Variants in CELF2 observed in about 807,000 individuals in gnomAD.
CELF2 encodes the protein CUG triplet repeat RNA-binding protein 2.
CELF2 carries 8 observed loss-of-function variants against 62.6 expected under a neutral mutation model. The observed-to-expected ratio is 0.13, with a 90% CI of 0.07 to 0.23. The LOEUF is 0.23. CELF2 is among the 10% of genes least tolerant of loss of function. The probability of loss-of-function intolerance (pLI) is 1.00; values close to 1 mark genes in which losing one functional copy is unlikely to be tolerated. For synonymous variants in CELF2, 258 were observed against 250.0 expected (o/e 1.03, Z -0.30); for missense variants, 333 against 671.0 (o/e 0.50, Z 5.56).
Position 10,983,409 on chromosome 10 carries a change from A to G in CELF2, c.89+63410A>G, listed in dbSNP as rs756156471. Among the ~76,000 whole-genome samples, 10 of 152,222 alleles carry G rather than the reference A, an allele frequency of 6.6e-5. No homozygotes were observed. Among genetic ancestry groups the G allele is most frequent in the Admixed American group, 1.3e-4 (2 of 15,288 alleles). On this transcript the variant is annotated intron_variant, in intron 2 of 13. Coordinates refer to the CELF2 transcript ENST00000636488. This position sits in a 1 kb window ranked among gnomAD's most constrained non-coding sequence, Gnocchi z 5.2. ...TGAATTGATTAGGGACTATTAAAAAATAAAATTATCTTTGAGAAGCAAAGA... is the reference window on the plus strand; with the variant it reads ...TGAATTGATTAGGGACTATTAAAAAGTAAAATTATCTTTGAGAAGCAAAGA...
rs572756553 is a variant in CELF2, at chr10:11,244,579, C to T, written c.355-4574C>T. Among the ~76,000 whole-genome samples the T allele has an allele frequency of 1.2e-3, 176 of 150,490 alleles. No individual in the cohort carries two copies. The highest frequency in any genetic ancestry group is 4.2e-3 in the African/African-American group (172 of 40,978). ...CTGAGGCAGGAGAATGGCATGAACC[C>T]GGGAGGCAGAGCTTTCAGTGAGCCG... is the stretch of plus-strand genomic sequence containing the variant. On this transcript the variant is annotated intron_variant, in intron 3 of 12. Coordinates refer to ENST00000633077, the MANE Select transcript of CELF2 (RefSeq NM_001326342.2). The surrounding 1 kb of genome is among the most constrained non-coding windows in gnomAD (Gnocchi z 4.2).
intron 1 of CELF2, among the ~76,000 whole-genome samples, chr10:10,848,452 G>A (rs2059152879): frequency 6.6e-6 from 1 of 152,190 alleles, no homozygotes; most frequent in Admixed American, 6.5e-5. Context: ...TAGGAGCGTT[G>A]CTTTTGACCA....
chr10:10,669,899 CTTTTTTTTTTT>C, the CELF2 span, among the ~76,000 whole-genome samples: 1 of 84,214 alleles, frequency 1.2e-5, no homozygotes, highest in African/African-American at 4.5e-5. Context: ...TCTTATATGC[CTTTTTTTTTTT>C]TTTTTTTTTG....
rs537258765 is a variant in CELF2 at position 11,333,134 on chromosome 10, G to C, written c.*4081G>C. The C allele has an allele frequency of 1.3e-5, 2 of 152,274 alleles. No homozygotes were observed. The highest frequency in any genetic ancestry group is 1.9e-4 in the East Asian group (1 of 5,188). The allele number at this position is 152,274 out of a possible 1,614,324, so 9.4% of individuals were successfully genotyped here. ...CATCTCCCCCAGAGGAAACACTGAGGGTAGGGGACAGGAGGCTCAGGACGC... is the reference window on the plus strand; with the variant it reads ...CATCTCCCCCAGAGGAAACACTGAGCGTAGGGGACAGGAGGCTCAGGACGC... On this transcript the variant is annotated 3_prime_UTR_variant, in exon 13 of 13. Coordinates refer to ENST00000633077, the MANE Select transcript of CELF2 (RefSeq NM_001326342.2).
chr10:11,160,248 C>T (rs534578823), intron 1 of CELF2, among the ~76,000 whole-genome samples: 31 of 152,302 alleles, frequency 2.0e-4, no homozygotes, highest in South Asian at 1.4e-3. Flanking sequence ...GAAACTGAGG[C>T]GCAGAGTGGT....
chr10:11,103,487 A>ATTTTTT lies in CELF2; in HGVS notation c.75-61984_75-61979dup, dbSNP rs3054364. On this transcript the variant is annotated intron_variant, in intron 1 of 12. Coordinates refer to ENST00000633077, the MANE Select transcript of CELF2 (RefSeq NM_001326342.2). ...CGGATAAACCTGTGTTTGTAGCCTG[A>ATTTTTT]TTTTTTTTTTTTTTTTTTTTACTGT... Among the ~76,000 whole-genome samples the ATTTTTT allele has an allele frequency of 2.7e-3, 322 of 119,716 alleles. 21 individuals are homozygous for ATTTTTT. The highest frequency in any genetic ancestry group is 4.4e-3 in the Middle Eastern group (1 of 228). 78.5% of individuals were successfully genotyped at this position (119,716 alleles called of 152,430 possible).
chr10:10,625,483 C>T, the CELF2 span, among the ~76,000 whole-genome samples: 9 of 151,216 alleles, frequency 6.0e-5, no homozygotes, highest in African/African-American at 1.9e-4. Flanking sequence ...CTTCTATTTT[C>T]GTGGAACAAA....
chr10:10,820,829 C>G (rs1374354945), intron 1 of CELF2, among the ~76,000 whole-genome samples: 1 of 152,176 alleles, frequency 6.6e-6, no homozygotes. Context: ...CCATTTACAC[C>G]TTCAAACAGA....
chr10:11,104,510 T>C (rs1436445551), intron 1 of CELF2, among the ~76,000 whole-genome samples: 1 of 152,084 alleles, frequency 6.6e-6, no homozygotes, highest in African/African-American at 2.4e-5. Context: ...GGGCAATACC[T>C]TGTCCCTACA....
intron 1 of CELF2, among the ~76,000 whole-genome samples, chr10:10,832,243 G>A (rs922237887): frequency 6.6e-6 from 1 of 150,814 alleles, no homozygotes; most frequent in East Asian, 1.9e-4. Flanking sequence ...ACTCCAGCCT[G>A]GGCAACAGAG....
At chr10:10,889,252 C>T (rs2061970452) in intron 1 of CELF2, among the ~76,000 whole-genome samples, 1 of 152,140 alleles carries the variant, frequency 6.6e-6, no homozygotes, top group Non-Finnish European at 1.5e-5. Flanking sequence ...CACCTCTTCC[C>T]AGTAATGCCA....
chr10:11,282,801 T>G (rs2089449915), intron 8 of CELF2, among the ~76,000 whole-genome samples: 1 of 152,268 alleles, frequency 6.6e-6, no homozygotes, highest in Admixed American at 6.5e-5. Flanking sequence ...GAGCAGGACC[T>G]GAGCTCTTGC....
the CELF2 span, among the ~76,000 whole-genome samples, chr10:10,648,668 G>A: frequency 6.6e-6 from 1 of 152,122 alleles, no homozygotes; most frequent in Non-Finnish European, 1.5e-5. Flanking sequence ...TGGGTCAGGT[G>A]TATATTTTGA....
intron 1 of CELF2, among the ~76,000 whole-genome samples, chr10:10,820,216 G>A (rs11256847): frequency 0.13 from 20,278 of 152,054 alleles, 1,523 homozygotes; most frequent in Non-Finnish European, 0.18. Context: ...ACCTCTTTTT[G>A]TTCTCAGTTT....
chr10:10,544,327 G>T, the CELF2 span, among the ~76,000 whole-genome samples: 1 of 152,190 alleles, frequency 6.6e-6, no homozygotes, highest in Admixed American at 6.5e-5. Context: ...CAGCAGAGCC[G>T]CTAGATTGGA....
At chr10:10,610,593 C>T in the CELF2 span, among the ~76,000 whole-genome samples, 1 of 152,114 alleles carries the variant, frequency 6.6e-6, no homozygotes, top group Non-Finnish European at 1.5e-5. Flanking sequence ...GACTTAGAAA[C>T]TCTTTGAGAT....
At position 11,269,989 on chromosome 10, in the gene CELF2, C is replaced by G. The variant is rs2083273164; in HGVS notation, c.619-677C>G. 6.6e-6 allele frequency among the ~76,000 whole-genome samples: 1 copy of G among 152,136 alleles called. No individual in the cohort carries two copies. Among genetic ancestry groups the G allele is most frequent in the African/African-American group, 2.4e-5 (1 of 41,424 alleles). On this transcript the variant is annotated intron_variant, in intron 6 of 12. Coordinates refer to ENST00000633077, the MANE Select transcript of CELF2 (RefSeq NM_001326342.2). The surrounding 1 kb of genome is among the most constrained non-coding windows in gnomAD (Gnocchi z 4.4). ...GTGCTTCTGTTTTTTGGGTTTGCACCAGCTCCAGGGATGGCGGGTAGCACA... is the reference window on the plus strand; with the variant it reads ...GTGCTTCTGTTTTTTGGGTTTGCACGAGCTCCAGGGATGGCGGGTAGCACA...
chr10:11,070,131 A>C (rs2069406897), intron 1 of CELF2, among the ~76,000 whole-genome samples: 1 of 152,072 alleles, frequency 6.6e-6, no homozygotes, highest in Non-Finnish European at 1.5e-5. Context: ...AAAAGTAAAA[A>C]AATAAAAGAG....
the CELF2 span, among the ~76,000 whole-genome samples, chr10:10,742,314 C>CT: frequency 6.6e-6 from 1 of 152,096 alleles, no homozygotes; most frequent in Non-Finnish European, 1.5e-5. Flanking sequence ...TCCATACACC[C>CT]TTTTCTCCAC....
Sources: gnomAD v4.1 joint callset for allele counts (sites outside exome capture counted in the v4.1 genomes callset) on GRCh38, gnomAD v4.1.1 for gene constraint, Gnocchi (gnomAD v3.1) non-coding constraint, MANE v1.5 for transcripts, NCBI Gene and HGNC (gene_info 2026-07-23, HGNC 2026-07-21) for gene names.